The following LAMA2 variants were observed in gnomAD, a reference collection of about 807,000 sequenced individuals.
LAMA2 encodes the protein laminin subunit alpha 2.
In LAMA2, 269 loss-of-function variants were observed where a neutral mutation model predicts 364.8. That is an observed-to-expected ratio of 0.74 (90% confidence interval 0.67 to 0.82). The LOEUF is 0.82. Ranked by LOEUF, LAMA2 falls within the 40% of genes least tolerant of loss-of-function variation. The pLI is 0.00. For synonymous variants in LAMA2, 1,379 were observed against 1,370.6 expected (o/e 1.01, Z -0.14); for missense variants, 3,807 against 3,873.2 (o/e 0.98, Z 0.45).
intron 58 of LAMA2, among the ~76,000 whole-genome samples, chr6:129,497,464 T>C (rs561808207): frequency 6.6e-6 from 1 of 152,200 alleles, no homozygotes; most frequent in East Asian, 1.9e-4. Context: ...TCTCGAACTC[T>C]TGGGAAGTGA....
At chr6:129,226,755 G>A (rs1024776631) in intron 12 of LAMA2, among the ~76,000 whole-genome samples, 124 of 152,190 alleles carry the variant, frequency 8.1e-4, no homozygotes, top group African/African-American at 2.6e-3. Flanking sequence ...CTCTCTGGCT[G>A]CCCTTAACAT....
intron 21 of LAMA2, among the ~76,000 whole-genome samples, chr6:129,298,831 GTT>G (rs1562431755): frequency 2.0e-5 from 3 of 150,668 alleles, no homozygotes; most frequent in Non-Finnish European, 2.9e-5. Flanking sequence ...TAATTGATAA[GTT>G]ATTCTAATTG....
chr6:129,173,336 C>T (rs967198496), intron 9 of LAMA2, among the ~76,000 whole-genome samples: 2 of 152,198 alleles, frequency 1.3e-5, no homozygotes, highest in African/African-American at 2.4e-5. Context: ...CTCCCTCCTT[C>T]ATTCCACCAT....
At position 129,192,664 on chromosome 6, in the gene LAMA2, G is replaced by C. The variant is rs776091439; in HGVS notation, c.1609-16G>C. On this transcript the variant is annotated splice_polypyrimidine_tract_variant and intron_variant, in intron 11 of 64. Transcript: ENST00000421865. ...TATTTTTTAAAAATTAATGATGACTGTGTGTTTTCTCTAAGATACAAGATA... is the reference window on the plus strand; with the variant it reads ...TATTTTTTAAAAATTAATGATGACTCTGTGTTTTCTCTAAGATACAAGATA... The C allele has an allele frequency of 1.2e-6, 2 of 1,611,298 alleles. No homozygotes were observed. The highest frequency in any genetic ancestry group is 1.7e-6 in the Non-Finnish European group (2 of 1,177,458).
At chr6:129,137,177 C>T (rs1027918972) in intron 4 of LAMA2, among the ~76,000 whole-genome samples, 1 of 151,844 alleles carries the variant, frequency 6.6e-6, no homozygotes, top group Non-Finnish European at 1.5e-5. Flanking sequence ...ACAGCACTAC[C>T]TTTCAAGCCA....
chr6:129,165,911 G>A (rs1228393848), intron 9 of LAMA2, among the ~76,000 whole-genome samples: 1 of 151,690 alleles, frequency 6.6e-6, no homozygotes, highest in Non-Finnish European at 1.5e-5. Context: ...TGTATTTTGA[G>A]ATACACACAC....
chr6:129,254,956 G>T (rs536362824), intron 14 of LAMA2, among the ~76,000 whole-genome samples: 1 of 152,090 alleles, frequency 6.6e-6, no homozygotes, highest in Non-Finnish European at 1.5e-5. Flanking sequence ...ATCTATAGGG[G>T]ATATTGCATT....
chr6:129,118,802 A>G (rs1776623315), intron 4 of LAMA2, among the ~76,000 whole-genome samples: 1 of 152,156 alleles, frequency 6.6e-6, no homozygotes, highest in African/African-American at 2.4e-5. Flanking sequence ...ATTGTTTTTA[A>G]TTGCTTCCCT....
chr6:129,058,086 G>A (rs753579891), intron 2 of LAMA2, among the ~76,000 whole-genome samples: 25 of 152,176 alleles, frequency 1.6e-4, no homozygotes, highest in Non-Finnish European at 3.4e-4. Flanking sequence ...AGGAATTTAA[G>A]TGCCCTTACT....
At chr6:128,935,027 T>C (rs1779726184) in intron 1 of LAMA2, among the ~76,000 whole-genome samples, 1 of 152,200 alleles carries the variant, frequency 6.6e-6, no homozygotes, top group African/African-American at 2.4e-5. Flanking sequence ...TTAAATTTAT[T>C]CGTATATATT....
chr6:129,217,143 C>A (rs1026236279), intron 12 of LAMA2, among the ~76,000 whole-genome samples: 1 of 151,042 alleles, frequency 6.6e-6, no homozygotes, highest in Non-Finnish European at 1.5e-5. Context: ...GAGCTGAGAT[C>A]GTGCCTCTGC....
chr6:129,367,663 T>C (rs1290391053), intron 33 of LAMA2, among the ~76,000 whole-genome samples: 1 of 152,222 alleles, frequency 6.6e-6, no homozygotes, highest in Non-Finnish European at 1.5e-5. Context: ...ATTCTGACCA[T>C]AACCTTTAAG....
chr6:129,501,490 A>G (rs957289689), intron 58 of LAMA2, among the ~76,000 whole-genome samples: 1 of 152,204 alleles, frequency 6.6e-6, no homozygotes, highest in Non-Finnish European at 1.5e-5. Context: ...TTTGACTAAG[A>G]TCAAGAGAAA....
intron 15 of LAMA2, among the ~76,000 whole-genome samples, chr6:129,262,361 A>T (rs1787193638): frequency 6.6e-6 from 1 of 152,138 alleles, no homozygotes; most frequent in Non-Finnish European, 1.5e-5. Flanking sequence ...GCTACAGAAC[A>T]TACATGCAAT....
intron 1 of LAMA2, among the ~76,000 whole-genome samples, chr6:128,967,316 A>G (rs1781905634): frequency 6.6e-6 from 1 of 152,228 alleles, no homozygotes; most frequent in East Asian, 1.9e-4. Context: ...TAAAAGGAAA[A>G]GAAAACAAAG....
intron 12 of LAMA2, among the ~76,000 whole-genome samples, chr6:129,234,935 A>G (rs1784889484): frequency 6.6e-6 from 1 of 152,198 alleles, no homozygotes; most frequent in Admixed American, 6.6e-5. Flanking sequence ...TTTTGAGTGA[A>G]TGAAATCTAG....
intron 34 of LAMA2, among the ~76,000 whole-genome samples, chr6:129,377,391 G>GAT (rs770573062): frequency 3.0e-4 from 46 of 151,706 alleles, no homozygotes; most frequent in African/African-American, 9.4e-4. Context: ...ATTTTTAAAA[G>GAT]ATATATATAT....
chr6:129,275,394 A>G (rs1194511792), intron 17 of LAMA2, among the ~76,000 whole-genome samples: 1 of 152,014 alleles, frequency 6.6e-6, no homozygotes, highest in Non-Finnish European at 1.5e-5. Context: ...CAGAACCAAT[A>G]TTGGAACTCA....
intron 54 of LAMA2, among the ~76,000 whole-genome samples, chr6:129,480,523 G>T (rs1247390970): frequency 6.6e-6 from 1 of 152,126 alleles, no homozygotes; most frequent in Non-Finnish European, 1.5e-5. Context: ...CAGGGAGGAG[G>T]AGAGAGGAAG....
Sources: allele counts gnomAD v4.1 joint callset (sites outside exome capture counted in the v4.1 genomes callset), GRCh38; gene constraint gnomAD v4.1.1; transcripts MANE v1.5; gene names NCBI Gene and HGNC (gene_info 2026-07-23, HGNC 2026-07-21).